PLXNA4: variants seen among roughly 807,000 people sequenced by gnomAD.
PLXNA4 encodes plexin A4, also known as plexin-A4.
In PLXNA4, 44 loss-of-function variants were observed where a neutral mutation model predicts 191.8. The observed-to-expected ratio is 0.23, with a 90% CI of 0.18 to 0.29. The LOEUF is 0.29. Among genes scored for constraint, PLXNA4 ranks in the 10% least tolerant of loss-of-function variants. The pLI is 1.00. For synonymous variants in PLXNA4, 1,082 were observed against 1,009.5 expected (o/e 1.07, Z -1.36); for missense variants, 1,800 against 2,488.8 (o/e 0.72, Z 5.89).
chr7:132,595,983 G>C (rs2116833368), intron 2 of PLXNA4, among the ~76,000 whole-genome samples: 1 of 152,144 alleles, frequency 6.6e-6, no homozygotes, highest in Middle Eastern at 3.4e-3. Flanking sequence ...CTAACATCAA[G>C]TCCCTACTCA....
At chr7:132,571,265 T>C (rs1801967033) in intron 1 of PLXNA4, among the ~76,000 whole-genome samples, 2 of 152,182 alleles carry the variant, frequency 1.3e-5, no homozygotes, top group South Asian at 2.1e-4. Flanking sequence ...CAGGATGTAA[T>C]TCCTAATGCC....
In PLXNA4 at chr7:132,165,219, G is replaced by C. The variant is rs370123025; in HGVS notation, c.4287-19C>G. The C allele has an allele frequency of 5.0e-6, 8 of 1,608,390 alleles. No individual in the cohort carries two copies. The East Asian group carries it at 1.8e-4, about 36-fold the overall frequency. On this transcript the variant is annotated intron_variant, in intron 22 of 31. Transcript: ENST00000321063. Reference sequence around the variant, plus strand: ...CTCAGTCCTGTCAGCAGTCACCGAGGGAACCAACGGAACAAGACAAAGAAA... The same window carrying C: ...CTCAGTCCTGTCAGCAGTCACCGAGCGAACCAACGGAACAAGACAAAGAAA...
rs1252548985 is a variant in PLXNA4, at chr7:132,168,570, G to T, written c.4020C>A (p.Val1340=). The T allele has an allele frequency of 6.3e-7, 1 of 1,575,112 alleles. No homozygotes were observed. Among genetic ancestry groups the T allele is most frequent in the East Asian group, 2.3e-5 (1 of 44,406 alleles). ...EDHPVLRDLE[V]PGYRQERVEK... ...CCACACGCTCCTGCCGGTAGCCCGG[G>T]ACCTGCAGAGAGACCTAGGAGTCGT... is the stretch of plus-strand genomic sequence containing the variant. Residue 1340 remains valine, a splice_region_variant and synonymous_variant, in exon 22 of 32, where the codon GTC becomes GTA. Transcript: ENST00000321063.
intron 4 of PLXNA4, among the ~76,000 whole-genome samples, chr7:132,253,022 C>A (rs185591442): frequency 6.6e-6 from 1 of 152,106 alleles, no homozygotes; most frequent in Non-Finnish European, 1.5e-5. Context: ...ATATGCAAAC[C>A]TCGTGCAAAG....
At chr7:132,637,706 C>T (rs1270712706) in intron 2 of PLXNA4, among the ~76,000 whole-genome samples, 1 of 152,188 alleles carries the variant, frequency 6.6e-6, no homozygotes, top group African/African-American at 2.4e-5. Context: ...GCAGAAAATC[C>T]ATCAACAAGC....
At chr7:132,385,623 A>G (rs897893776) in intron 3 of PLXNA4, among the ~76,000 whole-genome samples, 2 of 152,216 alleles carry the variant, frequency 1.3e-5, no homozygotes, top group African/African-American at 4.8e-5. Flanking sequence ...TCAGGACAGG[A>G]TGCCTCACCT....
chr7:132,405,761 A>C (rs1015391996), intron 3 of PLXNA4, among the ~76,000 whole-genome samples: 2 of 152,218 alleles, frequency 1.3e-5, no homozygotes, highest in Non-Finnish European at 2.9e-5. Context: ...TGGATTCCTT[A>C]GACTTCAGGT....
intron 3 of PLXNA4, among the ~76,000 whole-genome samples, chr7:132,411,388 C>T (rs1052114989): frequency 2.0e-5 from 3 of 152,188 alleles, no homozygotes; most frequent in African/African-American, 7.2e-5. Flanking sequence ...GCGTAATTGA[C>T]AAGACCATAG....
intron 4 of PLXNA4, among the ~76,000 whole-genome samples, chr7:132,267,922 G>A (rs972081778): frequency 6.6e-6 from 1 of 152,164 alleles, no homozygotes; most frequent in Admixed American, 6.5e-5. Context: ...TGACTCTAAT[G>A]CACGCACTGC....
intron 3 of PLXNA4, among the ~76,000 whole-genome samples, chr7:132,439,011 T>C (rs961435236): frequency 6.6e-6 from 1 of 152,252 alleles, no homozygotes; most frequent in African/African-American, 2.4e-5. Flanking sequence ...CCTGCAATTA[T>C]TACCGTGTAT....
chr7:132,533,957 ATG>A (rs1179705063), intron 1 of PLXNA4, among the ~76,000 whole-genome samples: 11 of 151,956 alleles, frequency 7.2e-5, no homozygotes, highest in African/African-American at 2.7e-4. Flanking sequence ...TACTATTATT[ATG>A]TTAACAAGTC....
Position 132,350,470 on chromosome 7 carries a change from C to T in PLXNA4, c.1372-52248G>A, listed in dbSNP as rs867641087. On this transcript the variant is annotated intron_variant, in intron 3 of 31. Transcript: ENST00000321063. ...ATTGAGCCAAGATTGTGCCACTGCA[C>T]TCCAGCCTGGGCAACAGACTGGGAG... Among the ~76,000 whole-genome samples, 8 of 152,082 alleles carry T rather than the reference C, an allele frequency of 5.3e-5. 1 individual carries two copies. In the Middle Eastern group the frequency reaches 0.013, roughly 241 times the overall value.
intron 1 of PLXNA4, among the ~76,000 whole-genome samples, chr7:132,534,637 G>A (rs374279812): frequency 3.4e-4 from 52 of 152,332 alleles, no homozygotes; most frequent in African/African-American, 1.1e-3. Flanking sequence ...CACTGGGTTG[G>A]CTGGCACTCA....
At chr7:132,517,942 T>C (rs184599807) in intron 1 of PLXNA4, among the ~76,000 whole-genome samples, 68 of 152,342 alleles carry the variant, frequency 4.5e-4, no homozygotes, top group African/African-American at 1.5e-3. Flanking sequence ...CAATTTGTAA[T>C]CCGTGCATTC....
intron 4 of PLXNA4, 151 bp from the exon 5 acceptor site, chr7:132,241,317 G>C (rs561987628): frequency 4.2e-5 from 24 of 571,572 alleles, no homozygotes; most frequent in African/African-American, 3.7e-4. Flanking sequence ...AAGGGAACTT[G>C]AGTGATTATG....
intron 1 of PLXNA4, among the ~76,000 whole-genome samples, chr7:132,562,398 GCTC>G (rs200397698): frequency 3.2e-4 from 20 of 61,786 alleles, no homozygotes; most frequent in South Asian, 6.4e-4. Flanking sequence ...TCCTTCTGCT[GCTC>G]CTCCTCCTTC....
At chr7:132,552,675 C>T (rs1800613141) in intron 1 of PLXNA4, among the ~76,000 whole-genome samples, 1 of 152,214 alleles carries the variant, frequency 6.6e-6, no homozygotes, top group African/African-American at 2.4e-5. Context: ...CTCAAATTAG[C>T]ACTGATACTC....
chr7:132,370,650 G>C (rs1804400166), intron 3 of PLXNA4, among the ~76,000 whole-genome samples: 1 of 152,120 alleles, frequency 6.6e-6, no homozygotes, highest in Non-Finnish European at 1.5e-5. Context: ...GTGTTTCATT[G>C]TTTCTATTCC....
intron 9 of PLXNA4, among the ~76,000 whole-genome samples, chr7:132,211,990 C>G (rs1222713055): frequency 1.8e-4 from 27 of 152,144 alleles, no homozygotes; most frequent in Admixed American, 1.8e-3. Context: ...TTGCTGTATT[C>G]TCAGGAGCTG....
Sources: gnomAD v4.1 joint callset for allele counts (sites outside exome capture counted in the v4.1 genomes callset) on GRCh38, gnomAD v4.1.1 for gene constraint, MANE v1.5 for transcripts, NCBI Gene and HGNC (gene_info 2026-07-23, HGNC 2026-07-21) for gene names.